TPD52: variants seen among roughly 807,000 people sequenced by gnomAD.
TPD52 encodes prostate and colon associated protein.
Under a neutral mutation model 31.3 loss-of-function variants are expected in TPD52, and 17 were observed. The ratio of observed to expected loss-of-function variants is 0.54; its 90% confidence interval spans 0.37 to 0.82. The LOEUF (loss-of-function observed/expected upper bound fraction) is 0.82. Ranked by LOEUF, TPD52 falls within the 40% of genes least tolerant of loss-of-function variation. TPD52 has a pLI of 0.00. For missense variants in TPD52, 212 were observed against 240.1 expected (o/e 0.88, Z 0.77); for synonymous variants, 83 against 89.6 (o/e 0.93, Z 0.42).
chr8:80,032,034 T>C (rs1461775793), downstream of TPD52, among the ~76,000 whole-genome samples: 1 of 150,734 alleles, frequency 6.6e-6, no homozygotes, highest in Non-Finnish European at 1.5e-5. Flanking sequence ...ATGGCTGTAA[T>C]CCCATCCACT....
At chr8:80,085,360 C>A (rs1815658529) in intron 1 of TPD52, among the ~76,000 whole-genome samples, 1 of 151,754 alleles carries the variant, frequency 6.6e-6, no homozygotes, top group Non-Finnish European at 1.5e-5. Context: ...TTTCTGTCTG[C>A]CTGTTAACTC....
rs1395210465 is a variant in TPD52, at chr8:80,035,197, C to T, written c.*2919G>A. 2.6e-5 allele frequency: 4 copies of T among 152,168 alleles called. No homozygotes were observed. The highest frequency in any genetic ancestry group is 9.7e-5 in the African/African-American group (4 of 41,440). The allele number at this position is 152,168 out of a possible 1,614,324, so 9.4% of individuals were successfully genotyped here. On this transcript the variant is annotated 3_prime_UTR_variant, in exon 8 of 8. Coordinates refer to ENST00000518937, the MANE Select transcript of TPD52 (RefSeq NM_001025253.3). ...TGGGCTTTAAGAGCTATAAATAAAA[C>T]ACATGGCCGGGTGCATGCCTATAGT...
At chr8:80,166,891 G>A (rs1811754265) in intron 1 of TPD52, among the ~76,000 whole-genome samples, 2 of 152,196 alleles carry the variant, frequency 1.3e-5, no homozygotes, top group South Asian at 4.2e-4. Context: ...GGGTGGCAGA[G>A]CGAGACACTG....
At chr8:80,145,634 G>C (rs1810141576) in intron 1 of TPD52, among the ~76,000 whole-genome samples, 1 of 152,092 alleles carries the variant, frequency 6.6e-6, no homozygotes. Context: ...CTATTAGACA[G>C]GAACATCATC....
intron 1 of TPD52, among the ~76,000 whole-genome samples, chr8:80,157,171 ATCCAG>A (rs888517743): frequency 1.3e-4 from 20 of 152,118 alleles, no homozygotes; most frequent in African/African-American, 4.8e-4. Flanking sequence ...GAAATTAATA[ATCCAG>A]TCAAGAGAAT....
chr8:80,084,488 G>A (rs1403524109), intron 1 of TPD52, among the ~76,000 whole-genome samples: 7 of 152,216 alleles, frequency 4.6e-5, no homozygotes, highest in Admixed American at 4.6e-4. Context: ...AGGCCAATGG[G>A]CAAGAGACTC....
chr8:80,112,566 C>T (rs1021261733), intron 1 of TPD52, among the ~76,000 whole-genome samples: 3 of 152,090 alleles, frequency 2.0e-5, no homozygotes, highest in African/African-American at 4.8e-5. Flanking sequence ...GTTTAGAAAT[C>T]GTATCTCGCA....
chr8:80,166,445 G>A (rs10104958), intron 1 of TPD52, among the ~76,000 whole-genome samples: 3 of 151,364 alleles, frequency 2.0e-5, no homozygotes, highest in African/African-American at 7.3e-5. Context: ...TTGGTCAGGC[G>A]GGTCTCCAAC....
At chr8:80,093,889 T>C (rs1400822918) in intron 1 of TPD52, among the ~76,000 whole-genome samples, 1 of 152,216 alleles carries the variant, frequency 6.6e-6, no homozygotes, top group Non-Finnish European at 1.5e-5. Context: ...CAATGCTACA[T>C]GTAAACTCAA....
rs1020072726 is a variant in TPD52 at position 80,036,262 on chromosome 8, G to A, written c.*1854C>T. The A allele has an allele frequency of 6.6e-6, 1 of 152,464 alleles. No homozygotes were observed. Among genetic ancestry groups the A allele is most frequent in the Non-Finnish European group, 1.5e-5 (1 of 68,022 alleles). 9.4% of individuals were successfully genotyped at this position (152,464 alleles called of 1,614,324 possible). On this transcript the variant is annotated 3_prime_UTR_variant, in exon 8 of 8. Transcript: ENST00000518937. ...TGCCTTGTTGAAAAGTTAGTAGCAG[G>A]GCAGGATGCTCAAGAAACAATGTGA...
intron 1 of TPD52, among the ~76,000 whole-genome samples, chr8:80,076,379 T>C (rs1453735996): frequency 6.6e-6 from 1 of 152,158 alleles, no homozygotes; most frequent in African/African-American, 2.4e-5. Context: ...TGGAGGCCAT[T>C]ATCCTTAGCA....
At chr8:80,126,880 T>C (rs184438506) in intron 1 of TPD52, among the ~76,000 whole-genome samples, 1 of 152,178 alleles carries the variant, frequency 6.6e-6, no homozygotes, top group Admixed American at 6.5e-5. Context: ...ACCCAATACT[T>C]GGAGGTTGAG....
At chr8:80,144,722 C>G (rs1429604094) in intron 1 of TPD52, among the ~76,000 whole-genome samples, 10 of 152,164 alleles carry the variant, frequency 6.6e-5, no homozygotes, top group Non-Finnish European at 1.5e-4. Flanking sequence ...GAGACCACAA[C>G]CAGTTCTTTG....
chr8:80,064,039 A>C (rs1812845502), intron 2 of TPD52, among the ~76,000 whole-genome samples: 1 of 111,078 alleles, frequency 9.0e-6, no homozygotes, highest in Non-Finnish European at 1.8e-5. Flanking sequence ...AGGGGAGGGA[A>C]GGCAGGGTAG....
chr8:80,144,436 G>A (rs1193430756), intron 1 of TPD52, among the ~76,000 whole-genome samples: 5 of 152,178 alleles, frequency 3.3e-5, no homozygotes, highest in African/African-American at 1.2e-4. Flanking sequence ...ACTTCCAGCT[G>A]AGGTTAAATG....
At chr8:80,152,307 A>G (rs1188594770) in intron 1 of TPD52, among the ~76,000 whole-genome samples, 1 of 152,176 alleles carries the variant, frequency 6.6e-6, no homozygotes, top group East Asian at 1.9e-4. Context: ...CCTTGATAGT[A>G]CCTGACAGAA....
chr8:80,164,388 T>A (rs1467800147), intron 1 of TPD52, among the ~76,000 whole-genome samples: 1 of 152,202 alleles, frequency 6.6e-6, no homozygotes, highest in African/African-American at 2.4e-5. Flanking sequence ...GAAGAAGCCA[T>A]TAGTCAATGA....
intron 1 of TPD52, among the ~76,000 whole-genome samples, chr8:80,130,828 T>A (rs1275070253): frequency 6.6e-6 from 1 of 152,112 alleles, no homozygotes; most frequent in Non-Finnish European, 1.5e-5. Context: ...GGCTGGGAAA[T>A]AAAATACCTG....
rs147350424 is a variant in TPD52, at chr8:80,058,535, T to C, written c.136-5105A>G. Among the ~76,000 whole-genome samples, 1,490 of 152,230 alleles carry C rather than the reference T, an allele frequency of 9.8e-3. 29 individuals are homozygous for C. The highest frequency in any genetic ancestry group is 0.034 in the African/African-American group (1,409 of 41,554). ...ATATATGGCTGGGCATGGTGGCCCA[T>C]GCCTGTAATCCCAGGACTTTGGGAG... On this transcript the variant is annotated intron_variant, in intron 2 of 7. Coordinates refer to ENST00000518937, the MANE Select transcript of TPD52 (RefSeq NM_001025253.3).
Sources: allele counts gnomAD v4.1 joint callset (sites outside exome capture counted in the v4.1 genomes callset), GRCh38; gene constraint gnomAD v4.1.1; transcripts MANE v1.5; gene names NCBI Gene and HGNC (gene_info 2026-07-23, HGNC 2026-07-21).